Variants in ABCB8 observed in about 807,000 individuals in gnomAD.
ABCB8 encodes the protein ATP binding cassette subfamily B member 8.
ABCB8 carries 52 observed loss-of-function variants against 73.0 expected under a neutral mutation model. That is an observed-to-expected ratio of 0.71 (90% CI 0.57 to 0.90). The LOEUF (loss-of-function observed/expected upper bound fraction) is 0.90. Ranked by LOEUF, ABCB8 falls within the 40% of genes least tolerant of loss-of-function variation. The pLI, the probability that ABCB8 is intolerant of heterozygous loss-of-function variation, is 0.00. For missense variants in ABCB8, 909 were observed against 974.6 expected (o/e 0.93, Z 0.90); for synonymous variants, 428 against 423.5 (o/e 1.01, Z -0.13).
rs193181069 is a variant in ABCB8, at chr7:151,040,725, C to A, written c.1388+91C>A. On this transcript the variant is annotated intron_variant, in intron 11 of 15. Coordinates refer to ENST00000358849, the MANE Select transcript of ABCB8 (RefSeq NM_007188.5). ...GGTGGAGGTCTGGACTAATGTCCCC[C>A]ATAAACAGGCCCTCTCAGAGGGCTA... is the stretch of plus-strand genomic sequence containing the variant. 7.6e-4 allele frequency: 1,221 copies of A among 1,601,306 alleles called. 8 individuals carry two copies. In the African/African-American group the frequency reaches 0.014, roughly 18 times the overall value.
In ABCB8 at chr7:151,036,568, T is replaced by C. The variant is rs766484262; in HGVS notation, c.1136T>C (p.Ile379Thr). ...GGCATGGTCTTGGGTACCCTATTTA[T>C]TGGGGGCTCCCTTGTGGCCGGACAG... ...FNCMVLGTLF[I>T]GGSLVAGQQL... is the part of the protein sequence containing the mutation. Residue 379 changes from isoleucine to threonine, a missense_variant, in exon 9 of 16, where the codon ATT becomes ACT. Ile to Thr is a moderately conservative substitution (Grantham distance 89). Transcript: ENST00000358849. The C allele has an allele frequency of 1.2e-5, 19 of 1,613,986 alleles. No individual in the cohort carries two copies. In the East Asian group the frequency reaches 2.0e-4, roughly 17 times the overall value.
intron 2 of ABCB8, 139 bp from the exon 3 acceptor site, chr7:151,034,134 G>C (rs1206113401): frequency 1.7e-6 from 2 of 1,168,466 alleles, no homozygotes; most frequent in African/African-American, 3.1e-5. Context: ...GAGAGGCACT[G>C]ATGTGTCCAC....
At position 151,030,861 on chromosome 7, in the gene ABCB8, A is replaced by ACCTGGGAGG. The variant is rs536255470; in HGVS notation, c.95+2252_95+2260dup. On this transcript the variant is annotated intron_variant, in intron 1 of 15. Coordinates refer to ENST00000358849, the MANE Select transcript of ABCB8 (RefSeq NM_007188.5). ...AGGCTGAGGCAGGAGAATCGCTTGA[A>ACCTGGGAGG]CCTGGGAGGTGGAGGTTGCAGTCAG... Among the ~76,000 whole-genome samples, 147 of 152,316 alleles carry ACCTGGGAGG rather than the reference A, an allele frequency of 9.7e-4. 2 individuals carry two copies. The East Asian group carries it at 0.02, about 20-fold the overall frequency.
intron 1 of ABCB8, 86 bp downstream of exon 1, chr7:151,028,696 T>A: frequency 6.4e-7 from 1 of 1,564,188 alleles, no homozygotes; most frequent in Non-Finnish European, 8.6e-7. Flanking sequence ...GTCCACGAGC[T>A]TGCGCGAGGC....
In ABCB8 at chr7:151,037,128, C is replaced by A. The variant is rs752973998; in HGVS notation, c.1217+479C>A. On this transcript the variant is annotated intron_variant, in intron 9 of 15. Coordinates refer to ENST00000358849, the MANE Select transcript of ABCB8 (RefSeq NM_007188.5). ...TTTGCCCTCCCCCAGCCCCTGGCAC[C>A]CACCATTCCACTTTCTGTCCTTATG... 3.0e-5 allele frequency: 21 copies of A among 702,338 alleles called. 1 individual carries two copies. Among genetic ancestry groups the A allele is most frequent in the East Asian group, 2.1e-4 (8 of 37,282 alleles). The allele number at this position is 702,338 out of a possible 1,614,324, so 43.5% of individuals were successfully genotyped here. A position where few individuals can be genotyped will look rare whatever the true frequency, so the allele number is the denominator to read the frequency against.
intron 1 of ABCB8, chr7:151,028,838 G>A (rs1268089975): frequency 6.4e-7 from 1 of 1,553,360 alleles, no homozygotes; most frequent in East Asian, 2.4e-5. Flanking sequence ...CAGCCAGAAG[G>A]AGGGGACGCT....
intron 10 of ABCB8, 31 bp from the exon 11 acceptor site, chr7:151,040,467 C>T (rs757739878): frequency 1.9e-6 from 3 of 1,595,820 alleles, no homozygotes; most frequent in African/African-American, 2.7e-5. Context: ...CTACTCCTGC[C>T]TCCCTGCGGA....
In ABCB8 at chr7:151,036,570, G is replaced by A; in HGVS notation, c.1138G>A (p.Gly380Arg). The change falls in exon 9 of 16, where the codon GGG (glycine) becomes AGG (arginine). Residue 380 changes from glycine to arginine, a missense_variant. Physicochemically the swap from Gly to Arg is moderately radical, Grantham distance 125. Transcript: ENST00000358849. ...NCMVLGTLFI[G>R]GSLVAGQQLT... ...CATGGTCTTGGGTACCCTATTTATT[G>A]GGGGCTCCCTTGTGGCCGGACAGCA... 3 of 1,614,028 alleles carry A rather than the reference G, an allele frequency of 1.9e-6. No homozygotes were observed. Among genetic ancestry groups the A allele is most frequent in the Non-Finnish European group, 2.5e-6 (3 of 1,179,952 alleles).
rs1409837167 is a variant in ABCB8 at position 151,035,631 on chromosome 7, G to C, written c.816G>C (p.Met272Ile). 1 of 1,608,598 alleles carries C rather than the reference G, an allele frequency of 6.2e-7. No homozygotes were observed. Among genetic ancestry groups the C allele is most frequent in the Non-Finnish European group, 8.5e-7 (1 of 1,176,100 alleles). Residue 272 changes from methionine to isoleucine, a missense_variant, in exon 6 of 16, where the codon ATG (methionine) becomes ATC (isoleucine). Met to Ile is a conservative substitution (Grantham distance 10). Transcript: ENST00000358849. ...QVAGCLVSLSMLSTRLTLLLM... is the reference protein window; with the variant it reads ...QVAGCLVSLSILSTRLTLLLM... ...CAGGCTGCCTGGTGTCCCTGTCCAT[G>C]CTGTCGACACGCCTCACGCTGCTGC...
chr7:151,031,496 A>G (rs955297420), intron 1 of ABCB8: 2 of 587,426 alleles, frequency 3.4e-6, no homozygotes, highest in Non-Finnish European at 2.8e-6. Context: ...AAAAGCTCAC[A>G]CTACTCTTTT....
rs1227203511 is a variant in ABCB8, at chr7:151,034,845, G to C, written c.765+16G>C. The C allele has an allele frequency of 6.2e-7, 1 of 1,601,044 alleles. No individual in the cohort carries two copies. The highest frequency in any genetic ancestry group is 1.3e-5 in the African/African-American group (1 of 74,638). ...CATCTCCCAGGTCAGTGGCCCAGTG[G>C]CCCCCACCACGTCCACACACACACT... On this transcript the variant is annotated intron_variant, in intron 5 of 15. Coordinates refer to ENST00000358849, the MANE Select transcript of ABCB8 (RefSeq NM_007188.5).
At chr7:151,029,050 G>A (rs1796064412) in intron 1 of ABCB8, 2 of 1,117,366 alleles carry the variant, frequency 1.8e-6, no homozygotes, top group South Asian at 1.8e-5. Context: ...TAGGCCGGGC[G>A]CGGTGGCTCG....
Position 151,033,930 on chromosome 7 carries a change from C to A in ABCB8, c.408+13C>A. 1 of 1,571,760 alleles carries A rather than the reference C, an allele frequency of 6.4e-7. No homozygotes were observed. The highest frequency in any genetic ancestry group is 1.2e-5 in the South Asian group (1 of 85,546). On this transcript the variant is annotated intron_variant, in intron 2 of 15. Transcript: ENST00000358849. Reference sequence around the variant, plus strand: ...GGTAGCCGTCGTGGTGAGGCTTTCCCCACTTCTCCATCCTGGGGACAGGGC... The same window carrying A: ...GGTAGCCGTCGTGGTGAGGCTTTCCACACTTCTCCATCCTGGGGACAGGGC...
intron 8 of ABCB8, 31 bp from the exon 9 acceptor site, chr7:151,036,513 T>G (rs1390245179): frequency 6.3e-7 from 1 of 1,587,054 alleles, no homozygotes; most frequent in East Asian, 2.2e-5. Context: ...CTGCCCTGGC[T>G]TCGTCCTCCC....
chr7:151,037,465 G>A lies in ABCB8; in HGVS notation c.1217+816G>A, dbSNP rs1284509706. On this transcript the variant is annotated intron_variant, in intron 9 of 15. Transcript: ENST00000358849. Reference sequence around the variant, plus strand: ...CAGCTGAGCCTCTGGGATGACCAGAGCTGATCACCAGACAGCTCAAGGCGG... The same window carrying A: ...CAGCTGAGCCTCTGGGATGACCAGAACTGATCACCAGACAGCTCAAGGCGG... 1.6e-5 allele frequency: 10 copies of A among 640,388 alleles called. 1 individual carries two copies. Among genetic ancestry groups the A allele is most frequent in the Middle Eastern group, 8.1e-4 (2 of 2,470 alleles). The allele number at this position is 640,388 out of a possible 1,614,324, so 39.7% of individuals were successfully genotyped here. A position where few individuals can be genotyped will look rare whatever the true frequency, so the allele number is the denominator to read the frequency against.
rs773593647 is a variant in ABCB8 at position 151,033,685 on chromosome 7, G to C, written c.176G>C (p.Arg59Pro). The change falls in exon 2 of 16, where the codon CGA becomes CCA. Residue 59 changes from arginine (R) to proline (P), a missense_variant. Transcript: ENST00000358849. ...TCCCAGCTCTGGGCCCACCTCCCTC[G>C]AGCCCCCCTAGCTCCCAGATGGAGC... Reference protein sequence around the residue: ...LRSQLWAHLPRAPLAPRWSPS... With the variant: ...LRSQLWAHLPPAPLAPRWSPS... 3.1e-6 allele frequency: 5 copies of C among 1,611,872 alleles called. No homozygotes were observed. The highest frequency in any genetic ancestry group is 2.2e-5 in the South Asian group (2 of 90,922).
rs556767405 is a variant in ABCB8, at chr7:151,041,512, A to G, written c.1617+280A>G. 1.3e-4 allele frequency among the ~76,000 whole-genome samples: 20 copies of G among 152,312 alleles called. No homozygotes were observed. In the East Asian group the frequency reaches 3.7e-3, roughly 28 times the overall value. On this transcript the variant is annotated intron_variant, in intron 13 of 15. Transcript: ENST00000358849. ...ATCCCTCAGATTCTCTGCAAATCCC[A>G]TAGCATCCAGGTCTAGAGAAGCCTA...
Position 151,044,198 on chromosome 7 carries a change from A to C in ABCB8, c.1993A>C (p.Met665Leu), listed in dbSNP as rs781539419. 6.2e-7 allele frequency: 1 copy of C among 1,600,468 alleles called. No homozygotes were observed. Among genetic ancestry groups the C allele is most frequent in the South Asian group, 1.1e-5 (1 of 90,884 alleles). ...TVRGAHCIVV[M>L]ADGRVWEAGT... is the part of the protein sequence containing the mutation. The stretch of plus-strand genomic sequence containing the variant: ...CCGTGGGGCCCACTGCATTGTCGTC[A>C]TGGCCGATGGCCGTGTCTGGGAGGT... The change falls in exon 15 of 16, where the codon ATG becomes CTG. Residue 665 changes from methionine to leucine, a missense_variant. Physicochemically the swap from Met to Leu is conservative, Grantham distance 15. Transcript: ENST00000358849.
chr7:151,031,247 A>G (rs758802891), intron 1 of ABCB8: 53 of 1,539,712 alleles, frequency 3.4e-5, no homozygotes, highest in South Asian at 8.3e-5. Flanking sequence ...TCAGAAACAC[A>G]TGGCGTAATG....
Sources: allele counts gnomAD v4.1 joint callset (sites outside exome capture counted in the v4.1 genomes callset), GRCh38; gene constraint gnomAD v4.1.1; transcripts MANE v1.5; gene names NCBI Gene and HGNC (gene_info 2026-07-23, HGNC 2026-07-21).